NUP155: variants seen among roughly 807,000 people sequenced by gnomAD.
NUP155 encodes the protein nuclear pore complex protein Nup155.
Under a neutral mutation model 180.4 loss-of-function variants are expected in NUP155, and 71 were observed. The ratio of observed to expected loss-of-function variants is 0.39; its 90% confidence interval spans 0.33 to 0.48. NUP155 has a LOEUF of 0.48. Ranked by LOEUF, NUP155 falls within the 20% of genes least tolerant of loss-of-function variation. NUP155 has a pLI of 0.91. For missense variants in NUP155, 1,553 were observed against 1,648.9 expected (o/e 0.94, Z 1.01); for synonymous variants, 582 against 559.5 (o/e 1.04, Z -0.57).
At chr5:37,325,790 A>AAT (rs368899424) in intron 19 of NUP155, 111 bp downstream of exon 19, 2 of 693,502 alleles carry the variant, frequency 2.9e-6, no homozygotes, top group African/African-American at 3.7e-5. Flanking sequence ...AAAAAAAAAA[A>AAT]ATAACCTTTG....
intron 15 of NUP155, among the ~76,000 whole-genome samples, chr5:37,329,487 AT>A (rs903991199): frequency 1.3e-5 from 2 of 152,206 alleles, no homozygotes; most frequent in Non-Finnish European, 2.9e-5. Flanking sequence ...ACCAGGAAGA[AT>A]TATAAGGGAC....
At chr5:37,362,197 C>G (rs1380955761) in intron 3 of NUP155, among the ~76,000 whole-genome samples, 2 of 152,074 alleles carry the variant, frequency 1.3e-5, no homozygotes, top group African/African-American at 4.8e-5. Flanking sequence ...AGTACTGTTC[C>G]TACCACAACA....
intron 3 of NUP155, among the ~76,000 whole-genome samples, chr5:37,358,442 A>ACGG (rs1379692761): frequency 6.6e-6 from 1 of 152,136 alleles, no homozygotes; most frequent in Non-Finnish European, 1.5e-5. Context: ...CTGGGTGACA[A>ACGG]AGTGAGAGCC....
chr5:37,338,606 C>T (rs570583126), intron 11 of NUP155, among the ~76,000 whole-genome samples: 25 of 152,076 alleles, frequency 1.6e-4, no homozygotes, highest in Non-Finnish European at 2.9e-4. Context: ...GAGGTTTCAC[C>T]GTGTTAGCCA....
chr5:37,309,498 T>C, intron 23 of NUP155: 2 of 489,554 alleles, frequency 4.1e-6, no homozygotes, highest in South Asian at 4.5e-5. Context: ...TTTTGTCTGG[T>C]AATTCTCTTG....
At chr5:37,334,275 C>G (rs998850064) in intron 12 of NUP155, among the ~76,000 whole-genome samples, 12 of 151,968 alleles carry the variant, frequency 7.9e-5, no homozygotes, top group African/African-American at 2.9e-4. Flanking sequence ...CCTAATTTTT[C>G]TATGTTTTGT....
chr5:37,305,671 C>A lies in NUP155; in HGVS notation c.2904-461G>T, dbSNP rs9687048. 1.3e-3 allele frequency among the ~76,000 whole-genome samples: 190 copies of A among 151,822 alleles called. 1 individual carries two copies. Among genetic ancestry groups the A allele is most frequent in the African/African-American group, 4.5e-3 (185 of 41,448 alleles). The stretch of plus-strand genomic sequence containing the variant: ...CACTCCATCCTGGGTGACAGCAAGA[C>A]CCTGTCTCAAAAAACAAACGAACAA... On this transcript the variant is annotated intron_variant, in intron 25 of 34. Coordinates refer to ENST00000231498, the MANE Select transcript of NUP155 (RefSeq NM_153485.3).
At chr5:37,339,833 G>A (rs891393941) in intron 11 of NUP155, among the ~76,000 whole-genome samples, 1 of 152,064 alleles carries the variant, frequency 6.6e-6, no homozygotes, top group Non-Finnish European at 1.5e-5. Flanking sequence ...GTAGGATCTT[G>A]GTTCACTGTA....
At chr5:37,344,701 G>A (rs1204672210) in intron 9 of NUP155, among the ~76,000 whole-genome samples, 1 of 151,786 alleles carries the variant, frequency 6.6e-6, no homozygotes, top group Non-Finnish European at 1.5e-5. Flanking sequence ...GTAAAACCCC[G>A]TCTCTACTAA....
Position 37,310,733 on chromosome 5 carries a change from T to C in NUP155, c.2447A>G (p.Glu816Gly). ...TTTAAAGGTGGTGATCTTCAGCTGC[T>C]CTTGAAGTTCCTAGGAGCATAAAAC... ...IVAELQKELQ[E>G]QLKITTFKDL... Residue 816 changes from glutamate to glycine, a missense_variant, in exon 23 of 35, where the codon GAG (glutamate) becomes GGG (glycine). Transcript: ENST00000231498. 1 of 1,613,398 alleles carries C rather than the reference T, an allele frequency of 6.2e-7. No individual in the cohort carries two copies. The highest frequency in any genetic ancestry group is 8.5e-7 in the Non-Finnish European group (1 of 1,179,554).
At chr5:37,309,985 T>A (rs531638058) in intron 23 of NUP155, among the ~76,000 whole-genome samples, 2 of 150,954 alleles carry the variant, frequency 1.3e-5, no homozygotes, top group South Asian at 4.2e-4. Flanking sequence ...GAGGTGGAGG[T>A]TGCAGTGAGC....
intron 14 of NUP155, among the ~76,000 whole-genome samples, chr5:37,330,630 A>C (rs1744894941): frequency 6.6e-6 from 1 of 152,134 alleles, no homozygotes; most frequent in African/African-American, 2.4e-5. Flanking sequence ...TTAACTTTGA[A>C]CTACTCCCAA....
rs764686156 is a variant in NUP155 at position 37,305,174 on chromosome 5, T to C, written c.2940A>G (p.Gln980=). The C allele has an allele frequency of 6.2e-7, 1 of 1,613,634 alleles. No homozygotes were observed. The highest frequency in any genetic ancestry group is 1.1e-5 in the South Asian group (1 of 91,058). ...CGGCCTTACTTTGATTTACCAGTTC[T>C]TGAAGTGTGTCTGTAATGCATTTGT... The part of the protein sequence containing the change: ...NSYKCITDTL[Q]ELVNQSKAAP... Residue 980 remains glutamine, a synonymous_variant, in exon 26 of 35, where the codon CAA becomes CAG. Coordinates refer to ENST00000231498, the MANE Select transcript of NUP155 (RefSeq NM_153485.3).
intron 24 of NUP155, among the ~76,000 whole-genome samples, chr5:37,308,196 A>G (rs1392196769): frequency 5.9e-5 from 9 of 152,146 alleles, no homozygotes; most frequent in Admixed American, 5.9e-4. Context: ...AATGTAATCC[A>G]GAAAGCAATG....
chr5:37,354,980 T>C (rs1207178265), intron 4 of NUP155, among the ~76,000 whole-genome samples: 2 of 151,690 alleles, frequency 1.3e-5, no homozygotes, highest in Non-Finnish European at 2.9e-5. Context: ...TAATCCCAGC[T>C]ACTCGGGAGG....
chr5:37,335,874 A>G (rs548768087), intron 12 of NUP155, among the ~76,000 whole-genome samples: 2 of 152,172 alleles, frequency 1.3e-5, no homozygotes, highest in Admixed American at 1.3e-4. Flanking sequence ...GTGCTGAGGT[A>G]GGAGGATCCC....
intron 25 of NUP155, among the ~76,000 whole-genome samples, chr5:37,305,551 G>A (rs1743107628): frequency 1.3e-5 from 2 of 152,120 alleles, no homozygotes; most frequent in East Asian, 1.9e-4. Flanking sequence ...GCTTGGTGGT[G>A]CATGCCTGTA....
At chr5:37,307,600 T>C (rs1345268214) in intron 24 of NUP155, among the ~76,000 whole-genome samples, 168 bp from the exon 25 acceptor site, 1 of 152,188 alleles carries the variant, frequency 6.6e-6, no homozygotes, top group Non-Finnish European at 1.5e-5. Flanking sequence ...AAGGTCTTAA[T>C]ATGCCTAAAA....
At chr5:37,294,507 C>T (rs1742414408) in intron 32 of NUP155, 42 bp from the exon 33 acceptor site, 3 of 1,575,278 alleles carry the variant, frequency 1.9e-6, no homozygotes, top group East Asian at 4.5e-5. Flanking sequence ...ATTTTTAGCT[C>T]TTGATACTAA....
Sources: gnomAD v4.1 joint callset for allele counts (sites outside exome capture counted in the v4.1 genomes callset) on GRCh38, gnomAD v4.1.1 for gene constraint, MANE v1.5 for transcripts, NCBI Gene and HGNC (gene_info 2026-07-23, HGNC 2026-07-21) for gene names.